The following PDE6C variants were observed in gnomAD, a reference collection of about 807,000 sequenced individuals.
The protein encoded by PDE6C is cone cGMP-specific 3',5'-cyclic phosphodiesterase subunit alpha'.
PDE6C carries 75 observed loss-of-function variants against 113.1 expected under a neutral mutation model. The observed-to-expected ratio is 0.66, with a 90% confidence interval of 0.55 to 0.80. PDE6C has a LOEUF of 0.80. Among genes scored for constraint, PDE6C ranks in the 30% least tolerant of loss-of-function variants. PDE6C has a pLI of 0.00. For synonymous variants in PDE6C, 375 were observed against 363.7 expected, an observed-to-expected ratio of 1.03 and a Z score of -0.35; for missense variants, 912 against 1,038.6, an observed-to-expected ratio of 0.88 and a Z score of 1.67.
intron 1 of PDE6C, 72 bp downstream of exon 1, chr10:93,613,277 G>A (rs1335866198): frequency 8.8e-6 from 14 of 1,591,218 alleles, no homozygotes; most frequent in South Asian, 3.4e-5. Flanking sequence ...AAGAGAGATA[G>A]TGCTATCCTT....
chr10:93,661,676 G>A (rs1347168785), intron 18 of PDE6C, among the ~76,000 whole-genome samples: 2 of 152,212 alleles, frequency 1.3e-5, no homozygotes, highest in African/African-American at 4.8e-5. Context: ...ACTAATGGGT[G>A]TATGTCACAT....
intron 8 of PDE6C, among the ~76,000 whole-genome samples, chr10:93,633,416 A>G (rs1035190124): frequency 1.0e-4 from 15 of 143,070 alleles, no homozygotes; most frequent in South Asian, 2.3e-4. Flanking sequence ...CAGTGAGCCA[A>G]GATTGTGCCG....
intron 14 of PDE6C, among the ~76,000 whole-genome samples, chr10:93,645,309 T>A (rs551694549): frequency 2.0e-5 from 3 of 152,220 alleles, no homozygotes; most frequent in Non-Finnish European, 4.4e-5. Flanking sequence ...TAAAGTTTTG[T>A]TCTCCATGAA....
chr10:93,619,080 C>T (rs2058433571), intron 1 of PDE6C, among the ~76,000 whole-genome samples: 1 of 152,202 alleles, frequency 6.6e-6, no homozygotes, highest in African/African-American at 2.4e-5. Context: ...CCAAGGAAGG[C>T]TGGGTCTAAA....
chr10:93,656,221 G>T (rs898541174), intron 16 of PDE6C, among the ~76,000 whole-genome samples: 2 of 152,212 alleles, frequency 1.3e-5, no homozygotes, highest in African/African-American at 4.8e-5. Flanking sequence ...TTGTCCAGGT[G>T]AATTCTCTAT....
chr10:93,642,452 C>A (rs1234884848), intron 14 of PDE6C, among the ~76,000 whole-genome samples: 1 of 152,146 alleles, frequency 6.6e-6, no homozygotes, highest in Admixed American at 6.5e-5. Flanking sequence ...ACCAGTATTG[C>A]TCATGGCCAG....
chr10:93,617,300 C>T (rs1019497580), intron 1 of PDE6C, among the ~76,000 whole-genome samples: 2 of 152,202 alleles, frequency 1.3e-5, no homozygotes, highest in Admixed American at 1.3e-4. Context: ...CCATCCCCAT[C>T]CTGTAACTTA....
Position 93,621,939 on chromosome 10 carries a change from T to A in PDE6C, c.731T>A (p.Met244Lys). ...TTTGATACCTACTTTCAGATCCTTA[T>A]GTGGTCAGCCAATAAAGTATTTGAA... The part of the protein sequence containing the change: ...NIESRRSQIL[M>K]WSANKVFEEL... Residue 244 changes from methionine to lysine, a missense_variant, in exon 4 of 22, where the codon ATG becomes AAG. Met to Lys is a moderately conservative substitution (Grantham distance 95). Coordinates refer to ENST00000371447, the MANE Select transcript of PDE6C (RefSeq NM_006204.4). The A allele has an allele frequency of 1.2e-6, 2 of 1,613,856 alleles. No homozygotes were observed. The highest frequency in any genetic ancestry group is 2.2e-5 in the South Asian group (2 of 91,088).
chr10:93,660,719 GTTCT>G (rs1040751325), intron 18 of PDE6C, among the ~76,000 whole-genome samples: 4 of 152,218 alleles, frequency 2.6e-5, no homozygotes, highest in Non-Finnish European at 5.9e-5. Flanking sequence ...TTCTTCCTCT[GTTCT>G]TTATCGATGA....
intron 10 of PDE6C, among the ~76,000 whole-genome samples, chr10:93,636,179 C>T (rs1221529704): frequency 6.6e-6 from 1 of 152,172 alleles, no homozygotes; most frequent in Non-Finnish European, 1.5e-5. Flanking sequence ...ACTGTGCAGG[C>T]ATACTTCAGG....
intron 21 of PDE6C, among the ~76,000 whole-genome samples, chr10:93,664,446 A>G (rs2058680872): frequency 6.6e-6 from 1 of 152,210 alleles, no homozygotes; most frequent in Non-Finnish European, 1.5e-5. Flanking sequence ...CTGGTAGTGC[A>G]GGTAGCTGCC....
At position 93,634,738 on chromosome 10, in the gene PDE6C, A is replaced by G. The variant is rs767873009; in HGVS notation, c.1120-20A>G. The G allele has an allele frequency of 6.2e-7, 1 of 1,613,862 alleles. No individual in the cohort carries two copies. Among genetic ancestry groups the G allele is most frequent in the East Asian group, 2.2e-5 (1 of 44,842 alleles). On this transcript the variant is annotated intron_variant, in intron 8 of 21. Transcript: ENST00000371447. ...ACTAAAAAGGCAAAAAAATAACTTG[A>G]GGTCCCTTCTCGTTTGTAGAAAGGA... is the stretch of plus-strand genomic sequence containing the variant.
intron 11 of PDE6C, among the ~76,000 whole-genome samples, chr10:93,638,351 G>A (rs543848058): frequency 7.9e-5 from 12 of 151,904 alleles, no homozygotes; most frequent in South Asian, 2.1e-4. Context: ...TCCCACCCCC[G>A]TGTTTTCATG....
At chr10:93,657,896 T>C (rs2058646303) in intron 16 of PDE6C, among the ~76,000 whole-genome samples, 1 of 151,806 alleles carries the variant, frequency 6.6e-6, no homozygotes, top group Non-Finnish European at 1.5e-5. Flanking sequence ...TCCAGCTGAG[T>C]GAGGTGGCTC....
intron 10 of PDE6C, 91 bp downstream of exon 10, chr10:93,635,731 A>G: frequency 7.4e-7 from 1 of 1,356,232 alleles, no homozygotes; most frequent in Middle Eastern, 1.8e-4. Context: ...TGACAAATGC[A>G]AATGGTTTAC....
chr10:93,625,059 C>T (rs984520084), intron 4 of PDE6C, among the ~76,000 whole-genome samples: 1 of 152,148 alleles, frequency 6.6e-6, no homozygotes, highest in Non-Finnish European at 1.5e-5. Context: ...ACATACCTGC[C>T]CTTAAACTGA....
At chr10:93,623,446 C>A (rs149029110) in intron 4 of PDE6C, among the ~76,000 whole-genome samples, 1 of 152,140 alleles carries the variant, frequency 6.6e-6, no homozygotes, top group Non-Finnish European at 1.5e-5. Flanking sequence ...TGCTGCAGAG[C>A]AGAAGGTTTT....
In PDE6C at chr10:93,613,044, A is replaced by G. The variant is rs1261175342; in HGVS notation, c.319A>G (p.Ile107Val). The change falls in exon 1 of 22, where the codon ATA (isoleucine) becomes GTA (valine). Residue 107 changes from isoleucine to valine, a missense_variant. Ile to Val is a conservative substitution (Grantham distance 29, BLOSUM62 3). Coordinates refer to ENST00000371447, the MANE Select transcript of PDE6C (RefSeq NM_006204.4). ...GTTCCTGTGCCGGTCCCGGAACGGC[A>G]TACCTGAGGTGGCCTCTAGGTTGCT... ...SMFLCRSRNGIPEVASRLLDV... is the reference protein window; with the variant it reads ...SMFLCRSRNGVPEVASRLLDV... The G allele has an allele frequency of 6.2e-7, 1 of 1,614,194 alleles. No individual in the cohort carries two copies. The highest frequency in any genetic ancestry group is 1.3e-5 in the African/African-American group (1 of 75,054).
chr10:93,635,499 T>C lies in PDE6C; in HGVS notation c.1272T>C (p.Thr424=). The C allele has an allele frequency of 6.2e-7, 1 of 1,611,334 alleles. No homozygotes were observed. The highest frequency in any genetic ancestry group is 8.5e-7 in the Non-Finnish European group (1 of 1,177,458). Residue 424 remains threonine, a splice_region_variant and synonymous_variant, in exon 10 of 22, where the codon ACT becomes ACC. Coordinates refer to ENST00000371447, the MANE Select transcript of PDE6C (RefSeq NM_006204.4). ...GAATCACCTTTTATCCATTTCAGAC[T>C]CTCACACAATTTCTTGGATGGTCTC... is the stretch of plus-strand genomic sequence containing the variant. ...FDEHDEYITE[T]LTQFLGWSLL...
Sources: allele counts gnomAD v4.1 joint callset (sites outside exome capture counted in the v4.1 genomes callset), GRCh38; gene constraint gnomAD v4.1.1; transcripts MANE v1.5; gene names NCBI Gene and HGNC (gene_info 2026-07-23, HGNC 2026-07-21).